ATP6V0A2: variants seen among roughly 807,000 people sequenced by gnomAD.
ATP6V0A2 encodes the protein V-type proton ATPase 116 kDa subunit a 2.
In ATP6V0A2, 58 loss-of-function variants were observed where a neutral mutation model predicts 104.4. That is an observed-to-expected ratio of 0.56 (90% CI 0.45 to 0.69). ATP6V0A2 has a LOEUF of 0.69. Ranked by LOEUF, ATP6V0A2 falls within the 30% of genes least tolerant of loss-of-function variation. ATP6V0A2 has a pLI of 0.00. For synonymous variants in ATP6V0A2, 376 were observed against 397.9 expected (o/e 0.95, Z 0.65); for missense variants, 938 against 1,062.9 (o/e 0.88, Z 1.63).
intron 13 of ATP6V0A2, among the ~76,000 whole-genome samples, chr12:123,745,956 T>C (rs1956658072): frequency 6.6e-6 from 1 of 152,192 alleles, no homozygotes; most frequent in Non-Finnish European, 1.5e-5. Flanking sequence ...TAACCTGGGC[T>C]CTCCAAGGAG....
At chr12:123,727,079 C>A (rs1956454760) in intron 5 of ATP6V0A2, among the ~76,000 whole-genome samples, 1 of 152,090 alleles carries the variant, frequency 6.6e-6, no homozygotes, top group South Asian at 2.1e-4. Flanking sequence ...TTTTTCTGGT[C>A]CATCCCTTCA....
chr12:123,741,340 ACTTGGAAGG>A (rs1956607155), intron 9 of ATP6V0A2, among the ~76,000 whole-genome samples: 1 of 151,940 alleles, frequency 6.6e-6, no homozygotes, highest in African/African-American at 2.4e-5. Flanking sequence ...TATCCCAGTT[ACTTGGAAGG>A]CTGAGTCACG....
intron 2 of ATP6V0A2, among the ~76,000 whole-genome samples, chr12:123,721,960 C>T (rs1278098741): frequency 7.2e-5 from 11 of 152,192 alleles, no homozygotes; most frequent in Non-Finnish European, 1.5e-5. Context: ...CTTCCAAGTG[C>T]GCCCCTAACC....
At chr12:123,727,187 A>G (rs1361123341) in intron 5 of ATP6V0A2, among the ~76,000 whole-genome samples, 1 of 152,158 alleles carries the variant, frequency 6.6e-6, no homozygotes, top group African/African-American at 2.4e-5. Context: ...TGGCTCCTGC[A>G]TCCCATGCTG....
intron 6 of ATP6V0A2, among the ~76,000 whole-genome samples, chr12:123,729,826 A>T (rs758125617): frequency 6.6e-6 from 1 of 151,764 alleles, no homozygotes; most frequent in African/African-American, 2.4e-5. Flanking sequence ...ATTGATTTTT[A>T]CTTTTTTAGA....
chr12:123,749,137 A>G (rs1269331063), intron 15 of ATP6V0A2, among the ~76,000 whole-genome samples: 2 of 152,116 alleles, frequency 1.3e-5, no homozygotes, highest in Non-Finnish European at 2.9e-5. Context: ...AAAAAACACA[A>G]AAATTTGTCA....
intron 9 of ATP6V0A2, chr12:123,737,492 T>G: frequency 3.8e-6 from 2 of 523,018 alleles, no homozygotes; most frequent in South Asian, 3.9e-5. Context: ...CGAGCGATCC[T>G]CCTGCCTCAG....
intron 9 of ATP6V0A2, among the ~76,000 whole-genome samples, chr12:123,739,444 G>T (rs1956587188): frequency 6.6e-6 from 1 of 152,164 alleles, no homozygotes; most frequent in Non-Finnish European, 1.5e-5. Flanking sequence ...CTTCACAGTT[G>T]CCTTGGTAGT....
At chr12:123,736,812 T>A (rs1397429940) in intron 8 of ATP6V0A2, among the ~76,000 whole-genome samples, 2 of 152,072 alleles carry the variant, frequency 1.3e-5, no homozygotes, top group Non-Finnish European at 2.9e-5. Context: ...AGGGTCATGT[T>A]CTCCAGAGGC....
rs148617403 is a variant in ATP6V0A2, at chr12:123,756,887, T to C, written c.2366T>C (p.Leu789Pro). The C allele has an allele frequency of 1.2e-6, 2 of 1,614,130 alleles. No individual in the cohort carries two copies. The highest frequency in any genetic ancestry group is 1.3e-5 in the African/African-American group (1 of 74,958). The change falls in exon 19 of 20, where the codon CTA becomes CCA. Residue 789 changes from leucine to proline, a missense_variant. Coordinates refer to ENST00000330342, the MANE Select transcript of ATP6V0A2 (RefSeq NM_012463.4). Reference sequence around the variant, plus strand: ...GTTGACACCACCTATGGCGTCTTGCTACTGCTCCCGGTTATCGCGCTCTTT... The same window carrying C: ...GTTGACACCACCTATGGCGTCTTGCCACTGCTCCCGGTTATCGCGCTCTTT... The part of the protein sequence containing the change: ...LRVDTTYGVL[L>P]LLPVIALFAV...
At chr12:123,747,781 A>C (rs1428655303) in intron 14 of ATP6V0A2, 56 bp downstream of exon 14, 1 of 1,199,620 alleles carries the variant, frequency 8.3e-7, no homozygotes, top group Non-Finnish European at 1.2e-6. Context: ...GCATTTCTTC[A>C]ATTTTGCTTC....
In ATP6V0A2 at chr12:123,744,785, G is replaced by T; in HGVS notation, c.1514+1G>T. 6.2e-7 allele frequency: 1 copy of T among 1,614,172 alleles called. No homozygotes were observed. The highest frequency in any genetic ancestry group is 8.5e-7 in the Non-Finnish European group (1 of 1,180,022). ...AGCATAAGAAGATGGTGCTTTGGAA[G>T]TAAGTGTCCCATAGCTGGTGATGCT... On this transcript the variant is annotated splice_donor_variant, in intron 12 of 19. Coordinates refer to ENST00000330342, the MANE Select transcript of ATP6V0A2 (RefSeq NM_012463.4). LOFTEE classifies it high-confidence loss of function. This position sits in a 1 kb window ranked among gnomAD's most constrained non-coding sequence, Gnocchi z 5.4.
At chr12:123,716,419 T>A (rs1956339754) in intron 1 of ATP6V0A2, among the ~76,000 whole-genome samples, 1 of 152,182 alleles carries the variant, frequency 6.6e-6, no homozygotes, top group Non-Finnish European at 1.5e-5. Flanking sequence ...AAATAACATT[T>A]CTTAATATAA....
chr12:123,726,300 C>T lies in ATP6V0A2; in HGVS notation c.521+15C>T. The T allele has an allele frequency of 6.3e-7, 1 of 1,599,912 alleles. No individual in the cohort carries two copies. Among genetic ancestry groups the T allele is most frequent in the Non-Finnish European group, 8.6e-7 (1 of 1,167,020 alleles). Reference sequence around the variant, plus strand: ...GCAAAACTGGGGTAGGTGACAAGGCCTGGGGTGTCAGGCTTCATACTGCCC... The same window carrying T: ...GCAAAACTGGGGTAGGTGACAAGGCTTGGGGTGTCAGGCTTCATACTGCCC... On this transcript the variant is annotated intron_variant, in intron 5 of 19. Transcript: ENST00000330342.
Position 123,737,077 on chromosome 12 carries a change from G to A in ATP6V0A2, c.844G>A (p.Asp282Asn). The part of the protein sequence containing the change: ...DLYTVLHKTE[D>N]YLRQVLCKAA... ...TCCCCAGGTACTGCACAAAACCGAG[G>A]ACTATTTGAGGCAAGTGCTATGTAA... Residue 282 changes from aspartate to asparagine, a missense_variant, in exon 9 of 20, where the codon GAC becomes AAC. By Grantham distance (23) the Asp-to-Asn change is conservative (BLOSUM62 1). Coordinates refer to ENST00000330342, the MANE Select transcript of ATP6V0A2 (RefSeq NM_012463.4). 1 of 1,614,052 alleles carries A rather than the reference G, an allele frequency of 6.2e-7. No homozygotes were observed. The highest frequency in any genetic ancestry group is 2.2e-5 in the East Asian group (1 of 44,902).
At chr12:123,735,740 T>C (rs1956547006) in intron 8 of ATP6V0A2, 116 bp downstream of exon 8, 1 of 941,520 alleles carries the variant, frequency 1.1e-6, no homozygotes, top group African/African-American at 1.6e-5. Flanking sequence ...CAAGATGTTC[T>C]AGTGAGATTG....
intron 9 of ATP6V0A2, among the ~76,000 whole-genome samples, chr12:123,739,784 T>C (rs1432744737): frequency 6.6e-6 from 1 of 152,158 alleles, no homozygotes; most frequent in Non-Finnish European, 1.5e-5. Context: ...TGGGCTCATT[T>C]TTTTCCCCCT....
At chr12:123,727,529 G>A (rs149117003) in intron 5 of ATP6V0A2, among the ~76,000 whole-genome samples, 4 of 152,088 alleles carry the variant, frequency 2.6e-5, no homozygotes, top group East Asian at 3.9e-4. Context: ...CACCCGCCTC[G>A]GCCTCCCAAA....
chr12:123,712,512 C>G lies in ATP6V0A2; in HGVS notation c.-54C>G. ...CACCGGCTGAGTGTGCGGGCCCGCG[C>G]GGCTCGGAGCCGCCGCCGCCCATCG... is the stretch of plus-strand genomic sequence containing the variant. On this transcript the variant is annotated 5_prime_UTR_variant, in exon 1 of 20. Coordinates refer to ENST00000330342, the MANE Select transcript of ATP6V0A2 (RefSeq NM_012463.4). The G allele has an allele frequency of 7.3e-7, 1 of 1,363,758 alleles. No individual in the cohort carries two copies. The highest frequency in any genetic ancestry group is 2.7e-5 in the East Asian group (1 of 37,306). The allele number at this position is 1,363,758 out of a possible 1,614,324, so 84.5% of individuals were successfully genotyped here. A position where few individuals can be genotyped will look rare whatever the true frequency, so the allele number is the denominator to read the frequency against.
Sources: allele counts gnomAD v4.1 joint callset (sites outside exome capture counted in the v4.1 genomes callset), GRCh38; gene constraint gnomAD v4.1.1; non-coding constraint Gnocchi (gnomAD v3.1); transcripts MANE v1.5; gene names NCBI Gene and HGNC (gene_info 2026-07-23, HGNC 2026-07-21).